RGS6: variants seen among roughly 807,000 people sequenced by gnomAD.
RGS6 encodes the protein regulator of G-protein signaling 6.
RGS6 carries 30 observed loss-of-function variants against 78.5 expected under a neutral mutation model. That is an observed-to-expected ratio of 0.38 (90% CI 0.29 to 0.52). The LOEUF is 0.52. Ranked by LOEUF, RGS6 falls within the 20% of genes least tolerant of loss-of-function variation. The pLI, the probability that RGS6 is intolerant of heterozygous loss-of-function variation, is 0.85. For synonymous variants in RGS6, 206 were observed against 206.0 expected, an observed-to-expected ratio of 1.00 and a Z score of 0.00; for missense variants, 495 against 609.7, an observed-to-expected ratio of 0.81 and a Z score of 1.98.
chr14:72,138,404 C>T (rs1316575423), intron 2 of RGS6, among the ~76,000 whole-genome samples: 2 of 149,344 alleles, frequency 1.3e-5, no homozygotes, highest in Non-Finnish European at 1.5e-5. Flanking sequence ...TATTTGCATC[C>T]TTCCTGGTGG....
the RGS6 span, among the ~76,000 whole-genome samples, chr14:72,572,700 G>A: frequency 6.6e-6 from 1 of 152,196 alleles, no homozygotes; most frequent in Non-Finnish European, 1.5e-5. Flanking sequence ...TTTGAGGAGT[G>A]ATGAAAATGT....
rs77478970 is a variant in RGS6 at position 72,344,073 on chromosome 14, T to C, written c.85-8022T>C. On this transcript the variant is annotated intron_variant, in intron 2 of 17. Transcript: ENST00000553525. ...ATTCTTAAACAAGAAAGATGATGCCTTCTAAAGCTTGGCTATTCCAGCCAA... is the reference window on the plus strand; with the variant it reads ...ATTCTTAAACAAGAAAGATGATGCCCTCTAAAGCTTGGCTATTCCAGCCAA... Among the ~76,000 whole-genome samples the C allele has an allele frequency of 1.0e-2, 1,520 of 152,310 alleles. 26 individuals are homozygous for C. Among genetic ancestry groups the C allele is most frequent in the African/African-American group, 0.034 (1,434 of 41,570 alleles).
intron 3 of RGS6, among the ~76,000 whole-genome samples, chr14:72,364,622 T>C (rs893011351): frequency 2.0e-5 from 3 of 152,210 alleles, no homozygotes; most frequent in Non-Finnish European, 4.4e-5. Context: ...TTAATAAAAA[T>C]TGAAAGTAAA....
chr14:72,399,165 C>CATTATTAGTGTGTGGGAGTCT, intron 3 of RGS6, among the ~76,000 whole-genome samples: 1 of 113,784 alleles, frequency 8.8e-6, no homozygotes, highest in African/African-American at 4.6e-5. Context: ...TAAAGTCTCC[C>CATTATTAGTGTGTGGGAGTCT]AAGTCTCTTT....
chr14:72,102,558 A>G (rs1389291853), intron 2 of RGS6, among the ~76,000 whole-genome samples: 1 of 152,186 alleles, frequency 6.6e-6, no homozygotes, highest in East Asian at 1.9e-4. Flanking sequence ...ATGGATTAGA[A>G]CATTTAGGCT....
the RGS6 span, among the ~76,000 whole-genome samples, chr14:71,908,845 GCGAGGCACTCA>G: frequency 3.2e-4 from 48 of 152,168 alleles, no homozygotes; most frequent in Non-Finnish European, 6.6e-4. Flanking sequence ...GAAGTGAGTA[GCGAGGCACTCA>G]CAAGGCACTT....
intron 3 of RGS6, among the ~76,000 whole-genome samples, chr14:72,357,897 CACCACAGGCCCAGAGACCTAAGAGGAAA>C (rs1432943389): frequency 2.0e-5 from 3 of 152,186 alleles, no homozygotes; most frequent in Non-Finnish European, 4.4e-5. Flanking sequence ...CAGCACCTCC[CACCACAGGCCCAGAGACCTAAGAGGAAA>C]AAATGTTTAT....
At chr14:72,037,421 C>T (rs1008734605) in intron 2 of RGS6, among the ~76,000 whole-genome samples, 1 of 152,166 alleles carries the variant, frequency 6.6e-6, no homozygotes, top group Non-Finnish European at 1.5e-5. Context: ...GCCGTGAACT[C>T]ACCAGAAGGA....
chr14:72,162,100 A>G (rs1221253874), intron 2 of RGS6, among the ~76,000 whole-genome samples: 1 of 152,204 alleles, frequency 6.6e-6, no homozygotes, highest in African/African-American at 2.4e-5. Context: ...AACTTTGACT[A>G]TGACATAGCC....
chr14:71,886,584 A>G, the RGS6 span, among the ~76,000 whole-genome samples: 5 of 152,254 alleles, frequency 3.3e-5, no homozygotes, highest in Non-Finnish European at 7.3e-5. Context: ...CAAGACCAAC[A>G]TAGCTCCCAC....
chr14:72,501,851 G>T (rs1302144979), intron 13 of RGS6, among the ~76,000 whole-genome samples: 1 of 152,228 alleles, frequency 6.6e-6, no homozygotes, highest in Non-Finnish European at 1.5e-5. Context: ...CTTGGCCGTA[G>T]GCATTCACTC....
At chr14:71,877,819 C>A in the RGS6 span, among the ~76,000 whole-genome samples, 40 of 152,296 alleles carry the variant, frequency 2.6e-4, no homozygotes, top group South Asian at 8.3e-3. Flanking sequence ...GTGGTTTTAT[C>A]TACCTTTGGC....
chr14:71,963,515 T>A (rs1213333879), intron 1 of RGS6, among the ~76,000 whole-genome samples: 1 of 152,070 alleles, frequency 6.6e-6, no homozygotes, highest in East Asian at 1.9e-4. Context: ...CATTCCATCC[T>A]CCCTGCAGCT....
chr14:72,062,123 G>C (rs750937272), intron 2 of RGS6, among the ~76,000 whole-genome samples: 1 of 152,198 alleles, frequency 6.6e-6, no homozygotes, highest in Non-Finnish European at 1.5e-5. Flanking sequence ...GTCAGGAAAG[G>C]CTGCTTTCAG....
intron 2 of RGS6, among the ~76,000 whole-genome samples, chr14:72,303,975 A>G (rs1012173662): frequency 6.6e-6 from 1 of 152,128 alleles, no homozygotes; most frequent in Non-Finnish European, 1.5e-5. Context: ...AAGGCTCCCT[A>G]CTTAAATGGT....
At chr14:72,445,869 G>A (rs1313151113) in intron 3 of RGS6, among the ~76,000 whole-genome samples, 2 of 152,120 alleles carry the variant, frequency 1.3e-5, no homozygotes, top group African/African-American at 4.8e-5. Context: ...ACTCCAAAAT[G>A]TGACCTTATT....
At chr14:72,366,261 G>A (rs1343942971) in intron 3 of RGS6, among the ~76,000 whole-genome samples, 2 of 152,132 alleles carry the variant, frequency 1.3e-5, no homozygotes, top group African/African-American at 4.8e-5. Flanking sequence ...GGATGAAGAG[G>A]GAGAAGGAAT....
chr14:72,550,436 G>C (rs1425973888), intron 17 of RGS6: 4 of 1,530,434 alleles, frequency 2.6e-6, no homozygotes, highest in Non-Finnish European at 3.5e-6. Flanking sequence ...AAGTACATCT[G>C]AGCCCCCGTG....
At chr14:72,189,672 T>C (rs2097297597) in intron 2 of RGS6, among the ~76,000 whole-genome samples, 1 of 152,198 alleles carries the variant, frequency 6.6e-6, no homozygotes, top group African/African-American at 2.4e-5. Context: ...GTGGTCAGTT[T>C]GGCATTCAAC....
Sources: allele counts gnomAD v4.1 joint callset (sites outside exome capture counted in the v4.1 genomes callset), GRCh38; gene constraint gnomAD v4.1.1; transcripts MANE v1.5; gene names NCBI Gene and HGNC (gene_info 2026-07-23, HGNC 2026-07-21).